TMEM135: variants seen among roughly 807,000 people sequenced by gnomAD.
TMEM135 encodes the protein transmembrane protein 135.
TMEM135 carries 30 observed loss-of-function variants against 60.3 expected under a neutral mutation model. That is an observed-to-expected ratio of 0.50 (90% CI 0.37 to 0.68). The LOEUF (loss-of-function observed/expected upper bound fraction) is 0.68, where lower values mean the gene tolerates loss of function less well. TMEM135 is among the 30% of genes least tolerant of loss of function. The pLI, the probability that TMEM135 is intolerant of heterozygous loss-of-function variation, is 0.00. For synonymous variants in TMEM135, 190 were observed against 186.7 expected, an observed-to-expected ratio of 1.02 and a Z score of -0.14; for missense variants, 468 against 548.8, an observed-to-expected ratio of 0.85 and a Z score of 1.47.
intron 1 of TMEM135, among the ~76,000 whole-genome samples, chr11:87,062,107 G>T (rs2135129250): frequency 6.6e-6 from 1 of 152,088 alleles, no homozygotes; most frequent in African/African-American, 2.4e-5. Flanking sequence ...CTGGGTTCAA[G>T]CAATTCTCCT....
chr11:87,108,899 G>A (rs1480399608), intron 4 of TMEM135, among the ~76,000 whole-genome samples: 4 of 152,146 alleles, frequency 2.6e-5, no homozygotes, highest in Non-Finnish European at 5.9e-5. Flanking sequence ...CCAAACAGTG[G>A]TATACGTCTC....
At chr11:87,165,613 T>A (rs1402904638) in intron 5 of TMEM135, among the ~76,000 whole-genome samples, 1 of 150,800 alleles carries the variant, frequency 6.6e-6, no homozygotes, top group African/African-American at 2.5e-5. Flanking sequence ...TCAGAAGGAA[T>A]GGTACCAGTT....
intron 6 of TMEM135, among the ~76,000 whole-genome samples, chr11:87,261,603 C>T (rs1565146301): frequency 6.6e-6 from 1 of 152,106 alleles, no homozygotes; most frequent in Non-Finnish European, 1.5e-5. Flanking sequence ...TTAGTTCAAA[C>T]CATCTTAACA....
intron 4 of TMEM135, among the ~76,000 whole-genome samples, chr11:87,151,465 C>T (rs954737691): frequency 6.6e-6 from 1 of 151,984 alleles, no homozygotes; most frequent in South Asian, 2.1e-4. Context: ...ATTTCTTCCA[C>T]ATTTCTTTTT....
chr11:87,107,407 A>C (rs1857625211), intron 4 of TMEM135, among the ~76,000 whole-genome samples: 2 of 144,468 alleles, frequency 1.4e-5, no homozygotes, highest in East Asian at 2.3e-4. Flanking sequence ...AATGCTATCC[A>C]TCCCCCCTCC....
chr11:87,303,231 T>C (rs571382252), intron 8 of TMEM135, among the ~76,000 whole-genome samples: 1 of 152,128 alleles, frequency 6.6e-6, no homozygotes, highest in Non-Finnish European at 1.5e-5. Flanking sequence ...TAGATTCTCA[T>C]AGGAGCACAA....
intron 5 of TMEM135, among the ~76,000 whole-genome samples, chr11:87,197,011 T>C (rs1334446559): frequency 6.6e-6 from 1 of 151,994 alleles, no homozygotes; most frequent in South Asian, 2.1e-4. Flanking sequence ...TTTCTCCTAA[T>C]GAAAAAAAAT....
intron 6 of TMEM135, among the ~76,000 whole-genome samples, chr11:87,271,514 T>C (rs1324891072): frequency 6.6e-6 from 1 of 152,166 alleles, no homozygotes; most frequent in Non-Finnish European, 1.5e-5. Flanking sequence ...TTGCCGTAAG[T>C]ATAAAGCATA....
chr11:87,111,876 A>T (rs902552149), intron 4 of TMEM135, among the ~76,000 whole-genome samples: 1 of 152,084 alleles, frequency 6.6e-6, no homozygotes, highest in African/African-American at 2.4e-5. Context: ...ATATAAAAGG[A>T]TATATGACTT....
rs1207821165 is a variant in TMEM135 at position 87,216,191 on chromosome 11, C to A, written c.463-20447C>A. On this transcript the variant is annotated intron_variant, in intron 5 of 14. Transcript: ENST00000305494. ...CCACTGGGGGTCTTGGAATGGATCCCCTGCGGATAAGGGGGGACTACAGTC... is the reference window on the plus strand; with the variant it reads ...CCACTGGGGGTCTTGGAATGGATCCACTGCGGATAAGGGGGGACTACAGTC... 2.0e-5 allele frequency among the ~76,000 whole-genome samples: 3 copies of A among 152,020 alleles called. No individual in the cohort carries two copies. In the East Asian group the frequency reaches 5.8e-4, roughly 29 times the overall value.
chr11:87,209,356 G>C (rs891274535), intron 5 of TMEM135, among the ~76,000 whole-genome samples: 3 of 152,114 alleles, frequency 2.0e-5, no homozygotes, highest in Admixed American at 1.3e-4. Context: ...GATGGAGAAA[G>C]GCCTATTAGC....
At chr11:87,119,594 G>A (rs900536527) in intron 4 of TMEM135, among the ~76,000 whole-genome samples, 3 of 152,214 alleles carry the variant, frequency 2.0e-5, no homozygotes, top group Non-Finnish European at 4.4e-5. Context: ...TCCCAGCTAC[G>A]CTAGTATCTG....
At chr11:87,157,196 G>T in intron 4 of TMEM135, 145 bp from the exon 5 acceptor site, 1 of 691,102 alleles carries the variant, frequency 1.4e-6, no homozygotes, top group Non-Finnish European at 2.5e-6. Flanking sequence ...TAGGACTATA[G>T]GCATATACAA....
chr11:87,285,245 A>T (rs1942142370), intron 6 of TMEM135, among the ~76,000 whole-genome samples: 2 of 152,230 alleles, frequency 1.3e-5, no homozygotes, highest in African/African-American at 4.8e-5. Context: ...TTAATTACAA[A>T]ATCTAGTGTA....
At position 87,323,900 on chromosome 11, in the gene TMEM135, TC is replaced by T. The variant is rs1565173582; in HGVS notation, c.*2568del. The T allele has an allele frequency of 2.2e-6, 1 of 452,466 alleles. No individual in the cohort carries two copies. Among genetic ancestry groups the T allele is most frequent in the African/African-American group, 2.0e-5 (1 of 49,976 alleles). 28.0% of individuals were successfully genotyped at this position (452,466 alleles called of 1,614,324 possible). A position where few individuals can be genotyped will look rare whatever the true frequency, so the allele number is the denominator to read the frequency against. On this transcript the variant is annotated 3_prime_UTR_variant, in exon 15 of 15. Coordinates refer to ENST00000305494, the MANE Select transcript of TMEM135 (RefSeq NM_022918.4). ...TCTGCTTTTGCTTCTGTAACTTTTT[TC>T]TTGAACTATAAGCATAGTCATCACT...
chr11:87,087,290 C>T (rs199946119), intron 3 of TMEM135, among the ~76,000 whole-genome samples: 1 of 133,534 alleles, frequency 7.5e-6, no homozygotes. Context: ...GTCTTATTTT[C>T]AAAAAAAAAA....
chr11:87,191,987 CTTTTTTT>C (rs200969171), intron 5 of TMEM135, among the ~76,000 whole-genome samples: 7 of 77,188 alleles, frequency 9.1e-5, no homozygotes, highest in South Asian at 4.8e-4. Flanking sequence ...CTTTTCTTTT[CTTTTTTT>C]TTTTTTTTTT....
intron 5 of TMEM135, among the ~76,000 whole-genome samples, chr11:87,201,257 T>A (rs1940088887): frequency 6.6e-6 from 1 of 152,194 alleles, no homozygotes; most frequent in Non-Finnish European, 1.5e-5. Flanking sequence ...AAAACATACA[T>A]AAAATCTTAT....
intron 4 of TMEM135, among the ~76,000 whole-genome samples, chr11:87,139,899 G>T (rs1275986360): frequency 6.6e-6 from 1 of 152,010 alleles, no homozygotes; most frequent in Non-Finnish European, 1.5e-5. Flanking sequence ...GATATATGTA[G>T]ATTTTTTTGT....
Sources: allele counts gnomAD v4.1 joint callset (sites outside exome capture counted in the v4.1 genomes callset), GRCh38; gene constraint gnomAD v4.1.1; transcripts MANE v1.5; gene names NCBI Gene and HGNC (gene_info 2026-07-23, HGNC 2026-07-21).